DYM: variants seen among roughly 807,000 people sequenced by gnomAD.
DYM encodes dymeclin, also known as dyggve-Melchior-Clausen syndrome protein.
Under a neutral mutation model 93.1 loss-of-function variants are expected in DYM, and 78 were observed. The ratio of observed to expected loss-of-function variants is 0.84; its 90% CI spans 0.70 to 1.01. The LOEUF (loss-of-function observed/expected upper bound fraction) is 1.01. Ranked by LOEUF, DYM falls within the 50% of genes least tolerant of loss-of-function variation. The pLI, the probability that DYM is intolerant of heterozygous loss-of-function variation, is 0.00. For missense variants in DYM, 789 were observed against 845.0 expected (o/e 0.93, Z 0.82); for synonymous variants, 321 against 319.7 (o/e 1.00, Z -0.04).
Position 49,163,860 on chromosome 18 carries a change from G to A in DYM, c.1626-73C>T. The A allele has an allele frequency of 3.3e-6, 3 of 918,132 alleles. No homozygotes were observed. In the East Asian group the frequency reaches 8.0e-5, roughly 25 times the overall value. 56.9% of individuals were successfully genotyped at this position (918,132 alleles called of 1,614,324 possible). On this transcript the variant is annotated intron_variant, in intron 14 of 17. Coordinates refer to ENST00000675505, the MANE Select transcript of DYM (RefSeq NM_001353214.3). The stretch of plus-strand genomic sequence containing the variant: ...TTTCTGTCTTCTGTGGAAATATATA[G>A]TTCCACAGCATGTCAATTATTCTAA...
chr18:49,260,705 T>C (rs543093303), intron 11 of DYM, among the ~76,000 whole-genome samples: 3 of 152,312 alleles, frequency 2.0e-5, no homozygotes, highest in Admixed American at 6.5e-5. Context: ...AGTTCCCATC[T>C]TGAACACTAC....
intron 15 of DYM, 76 bp from the exon 16 acceptor site, chr18:49,119,002 T>C: frequency 1.6e-6 from 2 of 1,232,266 alleles, no homozygotes; most frequent in South Asian, 1.3e-5. Context: ...ATAAGAGTAA[T>C]TCCCTCAAAA....
intron 8 of DYM, among the ~76,000 whole-genome samples, chr18:49,295,870 C>T (rs1175254088): frequency 3.3e-5 from 5 of 151,504 alleles, no homozygotes; most frequent in Admixed American, 6.6e-5. Context: ...TGCACTTTAC[C>T]CAGCTTCCTC....
intron 9 of DYM, among the ~76,000 whole-genome samples, chr18:49,285,742 T>G (rs2095107404): frequency 6.6e-6 from 1 of 152,242 alleles, no homozygotes; most frequent in African/African-American, 2.4e-5. Context: ...AGCACTTGAC[T>G]ATACTACAGG....
At chr18:49,071,445 G>A (rs2076883866) in intron 17 of DYM, among the ~76,000 whole-genome samples, 1 of 152,160 alleles carries the variant, frequency 6.6e-6, no homozygotes, top group South Asian at 2.1e-4. Flanking sequence ...TGCTCTAAAG[G>A]CAATTCAAGT....
chr18:49,150,523 G>T (rs1435924247), intron 15 of DYM, among the ~76,000 whole-genome samples: 1 of 152,204 alleles, frequency 6.6e-6, no homozygotes, highest in Non-Finnish European at 1.5e-5. Flanking sequence ...AAGAAGAGGG[G>T]CCTCACCAGA....
intron 3 of DYM, among the ~76,000 whole-genome samples, chr18:49,386,193 A>G (rs1226773988): frequency 6.6e-6 from 1 of 152,164 alleles, no homozygotes; most frequent in Non-Finnish European, 1.5e-5. Flanking sequence ...GAACAATAAT[A>G]CAATTAACGT....
intron 11 of DYM, among the ~76,000 whole-genome samples, chr18:49,271,954 TACCAAA>T (rs1249725928): frequency 1.4e-5 from 2 of 145,950 alleles, no homozygotes. Context: ...TTGTATCAAT[TACCAAA>T]GAACCATTTT....
intron 17 of DYM, among the ~76,000 whole-genome samples, chr18:49,090,341 T>G (rs757863545): frequency 6.6e-6 from 1 of 152,226 alleles, no homozygotes; most frequent in Non-Finnish European, 1.5e-5. Context: ...ATCTCCTTTA[T>G]GCTGAATGCT....
chr18:49,196,534 C>T lies in DYM; in HGVS notation c.1625+13017G>A, dbSNP rs192569478. Among the ~76,000 whole-genome samples the T allele has an allele frequency of 4.6e-5, 7 of 151,650 alleles. 1 individual carries two copies. The highest frequency in any genetic ancestry group is 2.1e-4 in the South Asian group (1 of 4,798). On this transcript the variant is annotated intron_variant, in intron 14 of 17. Coordinates refer to ENST00000675505, the MANE Select transcript of DYM (RefSeq NM_001353214.3). Reference sequence around the variant, plus strand: ...GAGTGACAGCAAAAGTGAGAGAGTGCGAGGGGTGGTGTGTGAGAGGAACCA... The same window carrying T: ...GAGTGACAGCAAAAGTGAGAGAGTGTGAGGGGTGGTGTGTGAGAGGAACCA...
intron 14 of DYM, among the ~76,000 whole-genome samples, chr18:49,201,137 C>T (rs1292017687): frequency 6.6e-6 from 1 of 152,128 alleles, no homozygotes; most frequent in African/African-American, 2.4e-5. Context: ...AATAAGAATA[C>T]CCCTAGCACA....
At position 49,413,954 on chromosome 18, in the gene DYM, GA is replaced by G. The variant is rs373465613; in HGVS notation, c.140+16300del. On this transcript the variant is annotated intron_variant, in intron 2 of 17. Transcript: ENST00000675505. ...GAACCCAGGAGGCGGAGGTTACATTGAGCCAAAATCACGCCACTGCACTCCA... is the reference window on the plus strand; with the variant it reads ...GAACCCAGGAGGCGGAGGTTACATTGGCCAAAATCACGCCACTGCACTCCA... Among the ~76,000 whole-genome samples the G allele has an allele frequency of 7.8e-3, 1,185 of 152,176 alleles. 34 individuals carry two copies. The highest frequency in any genetic ancestry group is 0.076 in the South Asian group (368 of 4,816).
chr18:49,331,900 C>T lies in DYM; in HGVS notation c.727G>A (p.Gly243Arg). The change falls in exon 8 of 18, where the codon GGA (glycine) becomes AGA (arginine). Residue 243 changes from glycine to arginine, a missense_variant. By Grantham distance (125) the Gly-to-Arg change is moderately radical. Coordinates refer to ENST00000675505, the MANE Select transcript of DYM (RefSeq NM_001353214.3). Reference protein sequence around the residue: ...AHVFPQQSDGGGLLYGLASGV... With the variant: ...AHVFPQQSDGRGLLYGLASGV... ...GATGCAAGTCCATAAAGCAGTCCTC[C>T]CCCATCCGACTGCTGAGGGAAAACA... The T allele has an allele frequency of 1.2e-6, 2 of 1,614,072 alleles. No individual in the cohort carries two copies. Among genetic ancestry groups the T allele is most frequent in the Non-Finnish European group, 1.7e-6 (2 of 1,179,990 alleles).
chr18:49,060,634 AGAGAGGGG>A (rs1279787387), intron 17 of DYM, among the ~76,000 whole-genome samples: 27 of 98,624 alleles, frequency 2.7e-4, no homozygotes, highest in African/African-American at 6.2e-4. Flanking sequence ...GGGAGGGGGG[AGAGAGGGG>A]GAGAGGGGGA....
At chr18:49,064,770 C>T (rs1370662878) in intron 17 of DYM, among the ~76,000 whole-genome samples, 3 of 151,880 alleles carry the variant, frequency 2.0e-5, no homozygotes, top group Non-Finnish European at 4.4e-5. Context: ...ACTTCTAAAT[C>T]TGCAACTAAA....
At chr18:49,290,995 A>G (rs1163058938) in intron 8 of DYM, among the ~76,000 whole-genome samples, 3 of 152,220 alleles carry the variant, frequency 2.0e-5, no homozygotes, top group African/African-American at 7.2e-5. Flanking sequence ...TGTAATTTTT[A>G]CTTTAACAAC....
intron 17 of DYM, among the ~76,000 whole-genome samples, chr18:49,072,171 C>T (rs1336383592): frequency 2.6e-5 from 4 of 152,344 alleles, no homozygotes; most frequent in Non-Finnish European, 5.9e-5. Flanking sequence ...CTTCACTTAT[C>T]CAAACATTCT....
intron 14 of DYM, among the ~76,000 whole-genome samples, chr18:49,167,009 TGTGTGTGTGTGTGTGTGTGTGTGTGC>T (rs1339867641): frequency 6.7e-6 from 1 of 150,080 alleles, no homozygotes; most frequent in African/African-American, 2.5e-5. Context: ...TGTGTGTGTG[TGTGTGTGTGTGTGTGTGTGTGTGTGC>T]GCGCCTGTGT....
chr18:49,317,551 TTCTCTC>T (rs796373730), intron 8 of DYM, among the ~76,000 whole-genome samples: 11 of 29,366 alleles, frequency 3.7e-4, no homozygotes, highest in African/African-American at 9.9e-4. Flanking sequence ...CCATCTAGAT[TTCTCTC>T]TCTCTCTCTC....
Sources: gnomAD v4.1 joint callset for allele counts (sites outside exome capture counted in the v4.1 genomes callset) on GRCh38, gnomAD v4.1.1 for gene constraint, MANE v1.5 for transcripts, NCBI Gene and HGNC (gene_info 2026-07-23, HGNC 2026-07-21) for gene names.